The following XPNPEP3 variants were observed in gnomAD, a reference collection of about 807,000 sequenced individuals.
The protein encoded by XPNPEP3 is xaa-Pro aminopeptidase 3.
In XPNPEP3, 41 loss-of-function variants were observed where a neutral mutation model predicts 60.0. The observed-to-expected ratio is 0.68, with a 90% CI of 0.53 to 0.89. XPNPEP3 has a LOEUF of 0.89. XPNPEP3 is among the 40% of genes least tolerant of loss of function. The pLI, the probability that XPNPEP3 is intolerant of heterozygous loss-of-function variation, is 0.00. For missense variants in XPNPEP3, 598 were observed against 638.9 expected (o/e 0.94, Z 0.69); for synonymous variants, 212 against 223.2 (o/e 0.95, Z 0.45).
intron 4 of XPNPEP3, among the ~76,000 whole-genome samples, chr22:40,887,516 G>A (rs1043960957): frequency 3.9e-5 from 6 of 152,114 alleles, no homozygotes; most frequent in Admixed American, 6.5e-5. Flanking sequence ...TACAGAAGGC[G>A]GCTTTCTTGC....
chr22:40,906,582 T>G (rs1227934742), intron 4 of XPNPEP3, among the ~76,000 whole-genome samples: 1 of 152,172 alleles, frequency 6.6e-6, no homozygotes, highest in Non-Finnish European at 1.5e-5. Context: ...GCTTCTGGCA[T>G]CCTACATTGA....
chr22:40,887,880 A>G (rs755303606), intron 4 of XPNPEP3, among the ~76,000 whole-genome samples: 2 of 152,050 alleles, frequency 1.3e-5, no homozygotes, highest in Non-Finnish European at 2.9e-5. Context: ...AAAACTCCCT[A>G]TTTCATTTAT....
At chr22:40,923,681 G>A (rs1414115462) in intron 8 of XPNPEP3, among the ~76,000 whole-genome samples, 4 of 151,942 alleles carry the variant, frequency 2.6e-5, no homozygotes, top group Non-Finnish European at 2.9e-5. Flanking sequence ...GTAAAACCCT[G>A]TCTCTACTAA....
intron 6 of XPNPEP3, among the ~76,000 whole-genome samples, chr22:40,911,346 G>T (rs2058176484): frequency 6.6e-6 from 1 of 151,858 alleles, no homozygotes; most frequent in Non-Finnish European, 1.5e-5. Context: ...TCTTTTTCTG[G>T]TTTTCATATC....
chr22:40,924,312 C>T (rs564744109), intron 8 of XPNPEP3, 50 bp from the exon 9 acceptor site: 2 of 1,612,822 alleles, frequency 1.2e-6, no homozygotes, highest in East Asian at 2.2e-5. Context: ...CCCAGCATTC[C>T]CTGTAAGAGG....
rs770706790 is a variant in XPNPEP3, at chr22:40,903,493, A to AT, written c.793-4079dup. 8.4e-3 allele frequency among the ~76,000 whole-genome samples: 1,191 copies of AT among 142,010 alleles called. 8 individuals carry two copies. The highest frequency in any genetic ancestry group is 0.029 in the Middle Eastern group (8 of 280). The allele number at this position is 142,010 out of a possible 152,430, so 93.2% of individuals were successfully genotyped here. On this transcript the variant is annotated intron_variant, in intron 4 of 9. Transcript: ENST00000357137. ...ATCTGTGTCTTCCTTCAAGTCATTGATTTTTTTTTTTTTTTAAGATGGAAT... is the reference window on the plus strand; with the variant it reads ...ATCTGTGTCTTCCTTCAAGTCATTGATTTTTTTTTTTTTTTTAAGATGGAAT...
At chr22:40,922,719 TATACAC>T (rs944663143) in intron 8 of XPNPEP3, among the ~76,000 whole-genome samples, 1 of 145,720 alleles carries the variant, frequency 6.9e-6, no homozygotes, top group Non-Finnish European at 1.5e-5. Context: ...CATGTAGATA[TATACAC>T]ACACACACAC....
rs774730568 is a variant in XPNPEP3, at chr22:40,909,222, A to G, written c.956A>G (p.Asn319Ser). The G allele has an allele frequency of 3.1e-6, 5 of 1,614,038 alleles. No individual in the cohort carries two copies. In the African/African-American group the frequency reaches 6.7e-5, roughly 22 times the overall value. ...RSNTLHYVKN[N>S]QLIKDGEMVL... ...AACACTTTGCACTATGTGAAAAATAATCAACTCATCAAGGTACGTGAGATG... is the reference window on the plus strand; with the variant it reads ...AACACTTTGCACTATGTGAAAAATAGTCAACTCATCAAGGTACGTGAGATG... Residue 319 changes from asparagine (N) to serine (S), a missense_variant, in exon 6 of 10, where the codon AAT becomes AGT. Asn to Ser is a conservative substitution (Grantham distance 46). Coordinates refer to ENST00000357137, the MANE Select transcript of XPNPEP3 (RefSeq NM_022098.4).
At chr22:40,869,230 A>G (rs1394073338) in intron 2 of XPNPEP3, 115 bp downstream of exon 2, 2 of 884,928 alleles carry the variant, frequency 2.3e-6, no homozygotes, top group Non-Finnish European at 3.8e-6. Context: ...GGTAGCCACT[A>G]ACCTCACATG....
At chr22:40,897,826 T>C (rs2058115026) in intron 4 of XPNPEP3, among the ~76,000 whole-genome samples, 1 of 152,198 alleles carries the variant, frequency 6.6e-6, no homozygotes, top group Admixed American at 6.5e-5. Context: ...TTGCATTTCA[T>C]TAACAGCTAG....
intron 3 of XPNPEP3, among the ~76,000 whole-genome samples, chr22:40,883,665 G>C (rs530897304): frequency 6.6e-6 from 1 of 152,072 alleles, no homozygotes; most frequent in South Asian, 2.1e-4. Flanking sequence ...CCTGGCCATA[G>C]TTGAGTTCTT....
intron 1 of XPNPEP3, among the ~76,000 whole-genome samples, chr22:40,857,520 C>T (rs2057909096): frequency 6.6e-6 from 1 of 152,242 alleles, no homozygotes; most frequent in South Asian, 2.1e-4. Context: ...ACTCGGACTC[C>T]GAAGTTGTGG....
rs367935588 is a variant in XPNPEP3, at chr22:40,857,352, G to A, written c.64+107G>A. ...TGACCCTTCTCCTGGTGGGGCCTCC[G>A]CTCCCCAACCCTCTGTGCTCCGCGG... is the stretch of plus-strand genomic sequence containing the variant. On this transcript the variant is annotated intron_variant, in intron 1 of 9. Coordinates refer to ENST00000357137, the MANE Select transcript of XPNPEP3 (RefSeq NM_022098.4). 54 of 1,242,328 alleles carry A rather than the reference G, an allele frequency of 4.3e-5. No homozygotes were observed. The African/African-American group carries it at 5.2e-4, about 12-fold the overall frequency. The allele number at this position is 1,242,328 out of a possible 1,614,324, so 77.0% of individuals were successfully genotyped here.
At chr22:40,877,013 C>T (rs1261855649) in intron 2 of XPNPEP3, among the ~76,000 whole-genome samples, 1 of 152,180 alleles carries the variant, frequency 6.6e-6, no homozygotes, top group African/African-American at 2.4e-5. Flanking sequence ...CCCTCATGCT[C>T]CTCCAGTCAG....
intron 3 of XPNPEP3, among the ~76,000 whole-genome samples, chr22:40,882,390 A>G (rs1382818813): frequency 6.6e-6 from 1 of 152,202 alleles, no homozygotes; most frequent in East Asian, 1.9e-4. Flanking sequence ...TAATCCCAGC[A>G]CTTTGGGAGG....
intron 1 of XPNPEP3, among the ~76,000 whole-genome samples, chr22:40,864,842 CCTTAA>C (rs2057970194): frequency 6.6e-6 from 1 of 152,244 alleles, no homozygotes; most frequent in Non-Finnish European, 1.5e-5. Flanking sequence ...ATTAAGACTG[CCTTAA>C]CTTACTGGGA....
chr22:40,863,497 C>T (rs1350906075), intron 1 of XPNPEP3, among the ~76,000 whole-genome samples: 1 of 152,294 alleles, frequency 6.6e-6, no homozygotes, highest in South Asian at 2.1e-4. Context: ...TGCTTCTAGT[C>T]TTTCAAGACC....
At chr22:40,888,329 G>A (rs1039822158) in intron 4 of XPNPEP3, 2 of 352,972 alleles carry the variant, frequency 5.7e-6, no homozygotes, top group Non-Finnish European at 1.2e-5. Context: ...CTGCAGTCTC[G>A]ACCTCCTGGG....
chr22:40,881,919 A>G lies in XPNPEP3; in HGVS notation c.331A>G (p.Ile111Val). 6.2e-7 allele frequency: 1 copy of G among 1,614,148 alleles called. No homozygotes were observed. Among genetic ancestry groups the G allele is most frequent in the Non-Finnish European group, 8.5e-7 (1 of 1,180,022 alleles). Reference sequence around the variant, plus strand: ...CCCTACATACTACATGAGCAACGATATTCCCTATACTTTCCACCAAGACAA... The same window carrying G: ...CCCTACATACTACATGAGCAACGATGTTCCCTATACTTTCCACCAAGACAA... ...SNPTYYMSND[I>V]PYTFHQDNNF... Residue 111 changes from isoleucine (I) to valine (V), a missense_variant, in exon 3 of 10, where the codon ATT becomes GTT. By Grantham distance (29) the Ile-to-Val change is conservative. Coordinates refer to ENST00000357137, the MANE Select transcript of XPNPEP3 (RefSeq NM_022098.4).
Sources: gnomAD v4.1 joint callset for allele counts (sites outside exome capture counted in the v4.1 genomes callset) on GRCh38, gnomAD v4.1.1 for gene constraint, MANE v1.5 for transcripts, NCBI Gene and HGNC (gene_info 2026-07-23, HGNC 2026-07-21) for gene names.